The following FANCB variants were observed in gnomAD, a reference collection of about 807,000 sequenced individuals.
FANCB encodes Fanconi anemia group B protein.
FANCB carries 5 observed loss-of-function variants against 38.9 expected under a neutral mutation model. The ratio of observed to expected loss-of-function variants is 0.13; its 90% CI spans 0.07 to 0.27. FANCB has a LOEUF of 0.27. FANCB is among the 10% of genes least tolerant of loss of function. The pLI, the probability that FANCB is intolerant of heterozygous loss-of-function variation, is 1.00. For missense variants in FANCB, 573 were observed against 602.7 expected (o/e 0.95, Z 0.52); for synonymous variants, 236 against 215.4 (o/e 1.10, Z -0.84).
chrX:14,847,441 T>G (rs1205034604), intron 7 of FANCB, among the ~76,000 whole-genome samples: 2 of 110,654 alleles, frequency 1.8e-5, no homozygotes, highest in African/African-American at 6.6e-5. Context: ...TCAGAAGAAA[T>G]TATCCAGGTG....
Position 14,860,815 on chromosome X carries a change from C to A in FANCB, c.952-1481G>T, listed in dbSNP as rs767598692. 3.6e-5 allele frequency among the ~76,000 whole-genome samples: 4 copies of A among 111,702 alleles called. No individual in the cohort carries two copies. The East Asian group carries it at 8.4e-4, about 24-fold the overall frequency. ...ACAGCACAGCACCAGAATACATTAA[C>A]CTCTATCAACAACACACCAATAGCT... On this transcript the variant is annotated intron_variant, in intron 3 of 9. Coordinates refer to ENST00000650831, the MANE Select transcript of FANCB (RefSeq NM_001018113.3).
the FANCB span, among the ~76,000 whole-genome samples, chrX:14,695,909 G>A: frequency 9.0e-6 from 1 of 111,002 alleles, no homozygotes; most frequent in Admixed American, 9.6e-5. Context: ...GAATGCTGAG[G>A]CAGAGGCAGT....
the FANCB span, among the ~76,000 whole-genome samples, chrX:14,707,100 T>C: frequency 9.8e-3 from 1,101 of 111,979 alleles, 32 homozygotes; most frequent in Admixed American, 0.078. Context: ...TGTCAATATG[T>C]TTCATTACAG....
chrX:14,854,321 G>A (rs1013682267), intron 5 of FANCB, among the ~76,000 whole-genome samples: 36 of 111,297 alleles, frequency 3.2e-4, no homozygotes, highest in African/African-American at 1.0e-3. Flanking sequence ...ATGCACCCTC[G>A]AAAATTGTCA....
the FANCB span, among the ~76,000 whole-genome samples, chrX:14,722,880 C>T: frequency 2.3e-4 from 26 of 112,379 alleles, no homozygotes; most frequent in Non-Finnish European, 4.7e-4. Context: ...TCATTTTATC[C>T]TCAGCATCAG....
chrX:14,717,663 T>C, the FANCB span, among the ~76,000 whole-genome samples: 1 of 108,289 alleles, frequency 9.2e-6, no homozygotes, highest in East Asian at 2.9e-4. Flanking sequence ...AGGTTAAGTA[T>C]AAATCACTTT....
At chrX:14,804,076 C>T in the FANCB span, among the ~76,000 whole-genome samples, 3 of 111,820 alleles carry the variant, frequency 2.7e-5, no homozygotes, top group East Asian at 5.6e-4. Flanking sequence ...GACAGTGTGG[C>T]GATTCCTCAA....
the FANCB span, among the ~76,000 whole-genome samples, chrX:14,803,320 G>A: frequency 0.027 from 3,045 of 111,792 alleles, 99 homozygotes; most frequent in African/African-American, 0.094. Context: ...TCTCCCAAAG[G>A]GAATGATTTT....
At chrX:14,719,232 T>C in the FANCB span, among the ~76,000 whole-genome samples, 2 of 111,950 alleles carry the variant, frequency 1.8e-5, no homozygotes, top group African/African-American at 3.3e-5. Flanking sequence ...GGGTGAAACA[T>C]TGATTACAGG....
the FANCB span, among the ~76,000 whole-genome samples, chrX:14,782,561 G>A: frequency 8.9e-6 from 1 of 111,880 alleles, no homozygotes; most frequent in Admixed American, 9.5e-5. Context: ...ATTAAGAGGT[G>A]ATTAGTCTTT....
the FANCB span, among the ~76,000 whole-genome samples, chrX:14,742,699 T>G: frequency 8.9e-6 from 1 of 112,285 alleles, no homozygotes; most frequent in African/African-American, 3.2e-5. Flanking sequence ...ACCGTAATTT[T>G]AAATCATTGC....
chrX:14,844,750 A>C lies in FANCB; in HGVS notation c.1928-10T>G. ...AGATCTTCCATGTGCTCTACAAAAA[A>C]AGTCACAAGCTCTATCATTAAACTC... On this transcript the variant is annotated splice_polypyrimidine_tract_variant and intron_variant, in intron 8 of 9. Coordinates refer to ENST00000650831, the MANE Select transcript of FANCB (RefSeq NM_001018113.3). 1 of 1,184,082 alleles carries C rather than the reference A, an allele frequency of 8.4e-7. No individual in the cohort carries two copies. Among genetic ancestry groups the C allele is most frequent in the South Asian group, 1.8e-5 (1 of 56,418 alleles).
the FANCB span, among the ~76,000 whole-genome samples, chrX:14,767,978 A>G: frequency 9.0e-6 from 1 of 111,639 alleles, no homozygotes; most frequent in East Asian, 2.8e-4. Context: ...TTTGTTGAAG[A>G]TCAGATGGTT....
intron 2 of FANCB, among the ~76,000 whole-genome samples, chrX:14,868,712 A>C (rs2092481572): frequency 8.9e-6 from 1 of 111,747 alleles, no homozygotes; most frequent in Non-Finnish European, 1.9e-5. Context: ...AGTGTAATTT[A>C]TTACTTATTA....
At chrX:14,714,691 C>T in the FANCB span, among the ~76,000 whole-genome samples, 1 of 111,975 alleles carries the variant, frequency 8.9e-6, no homozygotes, top group Non-Finnish European at 1.9e-5. Context: ...ATGCATGAGG[C>T]TTGTAAAAAT....
chrX:14,797,876 G>C, the FANCB span, among the ~76,000 whole-genome samples: 1 of 110,383 alleles, frequency 9.1e-6, no homozygotes, highest in African/African-American at 3.3e-5. Flanking sequence ...TTTTTGACTT[G>C]GTATGTGATG....
intron 1 of FANCB, among the ~76,000 whole-genome samples, chrX:14,871,877 G>A (rs1256215954): frequency 9.3e-6 from 1 of 107,548 alleles, no homozygotes; most frequent in Admixed American, 1.0e-4. Context: ...AAGCACTTTG[G>A]ATTAACTCGT....
the FANCB span, among the ~76,000 whole-genome samples, chrX:14,763,743 A>G: frequency 2.7e-5 from 3 of 111,686 alleles, no homozygotes; most frequent in Non-Finnish European, 3.8e-5. Flanking sequence ...TACAACTTTC[A>G]GTTTCTTCCA....
At chrX:14,850,310 A>G (rs1345036810) in intron 7 of FANCB, among the ~76,000 whole-genome samples, 195 bp downstream of exon 7, 2 of 112,391 alleles carry the variant, frequency 1.8e-5, no homozygotes, top group African/African-American at 6.5e-5. Flanking sequence ...AGATCATCCC[A>G]CTGCACTCCA....
Sources: allele counts gnomAD v4.1 joint callset (sites outside exome capture counted in the v4.1 genomes callset), GRCh38; gene constraint gnomAD v4.1.1; transcripts MANE v1.5; gene names NCBI Gene and HGNC (gene_info 2026-07-23, HGNC 2026-07-21).